The following SMG7 variants were observed in gnomAD, a reference collection of about 807,000 sequenced individuals.
The protein encoded by SMG7 is nonsense-mediated mRNA decay factor SMG7.
A neutral mutation model predicts 148.2 loss-of-function variants in SMG7; 34 were observed. The ratio of observed to expected loss-of-function variants is 0.23; its 90% CI spans 0.17 to 0.31. The LOEUF (loss-of-function observed/expected upper bound fraction) is 0.31. Among genes scored for constraint, SMG7 ranks in the 10% least tolerant of loss-of-function variants. SMG7 has a pLI of 1.00. For synonymous variants in SMG7, 492 were observed against 515.1 expected, an observed-to-expected ratio of 0.96 and a Z score of 0.61; for missense variants, 1,114 against 1,408.4, an observed-to-expected ratio of 0.79 and a Z score of 3.35.
Position 183,546,181 on chromosome 1 carries a change from A to C in SMG7, c.2586A>C (p.Ser862=). Residue 862 remains serine (S), a synonymous_variant, in exon 17 of 23, where the codon TCA becomes TCC. Transcript: ENST00000688051. ...FPMEPYNHNP[S]EVKVPEFYWD... is the part of the protein sequence containing the mutation. ...TGGAGCCATATAACCATAATCCCTC[A>C]GAAGTCAAGGTCCCAGAATTCTACT... is the stretch of plus-strand genomic sequence containing the variant. The C allele has an allele frequency of 6.2e-7, 1 of 1,614,112 alleles. No homozygotes were observed. The highest frequency in any genetic ancestry group is 1.7e-4 in the Middle Eastern group (1 of 6,060).
Position 183,501,344 on chromosome 1 carries a change from C to T in SMG7, c.30-11493C>T, listed in dbSNP as rs1659662403. 2.0e-5 allele frequency: 3 copies of T among 152,106 alleles called. No homozygotes were observed. In the South Asian group the frequency reaches 6.2e-4, roughly 32 times the overall value. The allele number at this position is 152,106 out of a possible 1,614,324, so 9.4% of individuals were successfully genotyped here. On this transcript the variant is annotated intron_variant, in intron 1 of 22. Transcript: ENST00000688051. ...AAGTAATTCACCTAAGGTTACACAG[C>T]TAGTAAGTGGCAGAGCTTGGTTTGA...
chr1:183,540,556 A>C (rs748663375), intron 12 of SMG7, among the ~76,000 whole-genome samples: 32 of 152,140 alleles, frequency 2.1e-4, no homozygotes, highest in Non-Finnish European at 3.8e-4. Flanking sequence ...ATGGTCCACC[A>C]CAAAGTGGAT....
Position 183,537,170 on chromosome 1 carries a change from C to G in SMG7, c.1189C>G (p.Leu397Val). 1.2e-6 allele frequency: 2 copies of G among 1,612,984 alleles called. No homozygotes were observed. The highest frequency in any genetic ancestry group is 8.5e-7 in the Non-Finnish European group (1 of 1,179,070). Reference protein sequence around the residue: ...QYIWPWLISLLNSFHPHEEDL... With the variant: ...QYIWPWLISLVNSFHPHEEDL... ...CATTTGGCCCTGGTTGATTTCTCTTCTGAATAGTTTCCATCCCCATGAAGA... is the reference window on the plus strand; with the variant it reads ...CATTTGGCCCTGGTTGATTTCTCTTGTGAATAGTTTCCATCCCCATGAAGA... The change falls in exon 11 of 23, where the codon CTG becomes GTG. Residue 397 changes from leucine (L) to valine (V), a missense_variant. Coordinates refer to ENST00000688051, the MANE Select transcript of SMG7 (RefSeq NM_001375584.1).
intron 10 of SMG7, among the ~76,000 whole-genome samples, chr1:183,534,139 A>G (rs954159322): frequency 2.0e-5 from 3 of 152,086 alleles, no homozygotes; most frequent in Non-Finnish European, 4.4e-5. Context: ...TTTGTTTCTT[A>G]TCTATTACAG....
Position 183,472,640 on chromosome 1 carries a change from A to G in SMG7, c.20A>G (p.Gln7Arg). 6.8e-6 allele frequency: 10 copies of G among 1,470,036 alleles called. No homozygotes were observed. The highest frequency in any genetic ancestry group is 9.1e-6 in the Non-Finnish European group (10 of 1,100,872). 91.1% of individuals were successfully genotyped at this position (1,470,036 alleles called of 1,614,324 possible). ...CGGAGGATGAGCCTGCAGAGCGCGCAGTACCTCCGGTGAGTGCCGAGGCCG... is the reference window on the plus strand; with the variant it reads ...CGGAGGATGAGCCTGCAGAGCGCGCGGTACCTCCGGTGAGTGCCGAGGCCG... MSLQSA[Q>R]YLRQAEVLKA... Residue 7 changes from glutamine to arginine, a missense_variant, in exon 1 of 23, where the codon CAG becomes CGG. Gln to Arg is a conservative substitution (Grantham distance 43, BLOSUM62 1). Coordinates refer to ENST00000688051, the MANE Select transcript of SMG7 (RefSeq NM_001375584.1).
Position 183,554,179 on chromosome 1 carries a change from TTC to T in SMG7, c.*2253_*2254del, listed in dbSNP as rs1412630029. The T allele has an allele frequency of 1.3e-5, 2 of 152,646 alleles. No individual in the cohort carries two copies. Among genetic ancestry groups the T allele is most frequent in the Non-Finnish European group, 2.9e-5 (2 of 68,042 alleles). 9.5% of individuals were successfully genotyped at this position (152,646 alleles called of 1,614,324 possible). On this transcript the variant is annotated 3_prime_UTR_variant, in exon 23 of 23. Transcript: ENST00000688051. The stretch of plus-strand genomic sequence containing the variant: ...CAGCTTTGCCTTTAATTAAACCATG[TTC>T]TCTCCAACCAGATCTGTGTATCGAT...
intron 1 of SMG7, among the ~76,000 whole-genome samples, chr1:183,487,429 A>T (rs1180361209): frequency 2.0e-5 from 3 of 152,206 alleles, no homozygotes; most frequent in Non-Finnish European, 4.4e-5. Flanking sequence ...CAAAATCCTT[A>T]ACTAATCACA....
In SMG7 at chr1:183,553,205, CTT is replaced by C. The variant is rs1671333391; in HGVS notation, c.*1276_*1277del. On this transcript the variant is annotated 3_prime_UTR_variant, in exon 23 of 23. Coordinates refer to ENST00000688051, the MANE Select transcript of SMG7 (RefSeq NM_001375584.1). Reference sequence around the variant, plus strand: ...GAGACGAAAGAAAGGAAAATAAACTCTTTGTATGATATTTATTAGGAGGAAAG... The same window carrying C: ...GAGACGAAAGAAAGGAAAATAAACTCTGTATGATATTTATTAGGAGGAAAG... The C allele has an allele frequency of 2.6e-6, 4 of 1,531,750 alleles. No individual in the cohort carries two copies. Among genetic ancestry groups the C allele is most frequent in the South Asian group, 2.4e-5 (2 of 83,890 alleles). 94.9% of individuals were successfully genotyped at this position (1,531,750 alleles called of 1,614,324 possible).
Position 183,544,412 on chromosome 1 carries a change from A to T in SMG7, c.1902A>T (p.Val634=). 1.2e-6 allele frequency: 2 copies of T among 1,613,972 alleles called. No homozygotes were observed. Among genetic ancestry groups the T allele is most frequent in the Non-Finnish European group, 1.7e-6 (2 of 1,179,886 alleles). ...TPVSEARKTP[V]TQTPTQASNS... Reference sequence around the variant, plus strand: ...TGTCTGAAGCCAGAAAAACACCTGTAACTCAAACCCCAACTCAAGCAAGTA... The same window carrying T: ...TGTCTGAAGCCAGAAAAACACCTGTTACTCAAACCCCAACTCAAGCAAGTA... The change falls in exon 15 of 23, where the codon GTA becomes GTT. Residue 634 remains valine, a synonymous_variant. Transcript: ENST00000688051.
chr1:183,508,145 A>G, intron 1 of SMG7: 1 of 977,022 alleles, frequency 1.0e-6, no homozygotes, highest in Non-Finnish European at 1.2e-6. Flanking sequence ...ATGTTAATTC[A>G]TTGATGGTTT....
chr1:183,517,680 G>A lies in SMG7; in HGVS notation c.180-8G>A. The A allele has an allele frequency of 1.2e-6, 2 of 1,613,970 alleles. No homozygotes were observed. Among genetic ancestry groups the A allele is most frequent in the Non-Finnish European group, 8.5e-7 (1 of 1,179,900 alleles). On this transcript the variant is annotated splice_polypyrimidine_tract_variant and splice_region_variant and intron_variant, in intron 3 of 22. Coordinates refer to ENST00000688051, the MANE Select transcript of SMG7 (RefSeq NM_001375584.1). ...GCTATACCAAATAGAATTACATTTT[G>A]TTTTCAGCTGGAATCACGCCTTTAA...
intron 1 of SMG7, among the ~76,000 whole-genome samples, chr1:183,509,932 C>T (rs1661760677): frequency 6.6e-6 from 1 of 152,102 alleles, no homozygotes; most frequent in South Asian, 2.1e-4. Flanking sequence ...CATCACCTGA[C>T]AGCTTATAAG....
At chr1:183,508,656 C>A (rs1323981951) in intron 1 of SMG7, among the ~76,000 whole-genome samples, 1 of 152,076 alleles carries the variant, frequency 6.6e-6, no homozygotes. Flanking sequence ...GATAGAGATT[C>A]CTTTTCTTGT....
chr1:183,516,982 G>A (rs181554104), intron 3 of SMG7, among the ~76,000 whole-genome samples: 151 of 152,206 alleles, frequency 9.9e-4, no homozygotes, highest in Non-Finnish European at 1.8e-3. Flanking sequence ...TCTTCCCTTT[G>A]TTCTAGTTTT....
chr1:183,479,537 G>T (rs1653543650), intron 1 of SMG7, among the ~76,000 whole-genome samples: 1 of 152,092 alleles, frequency 6.6e-6, no homozygotes, highest in South Asian at 2.1e-4. Flanking sequence ...CTAAGCCACA[G>T]ATTGGATTTT....
At chr1:183,482,390 A>G (rs556923272) in intron 1 of SMG7, among the ~76,000 whole-genome samples, 2 of 152,164 alleles carry the variant, frequency 1.3e-5, no homozygotes, top group African/African-American at 4.8e-5. Context: ...TGAGATATGT[A>G]AAGATTTAGA....
chr1:183,487,406 ACT>A (rs1655734715), intron 1 of SMG7, among the ~76,000 whole-genome samples: 1 of 151,768 alleles, frequency 6.6e-6, no homozygotes, highest in African/African-American at 2.4e-5. Context: ...AATTCAATAC[ACT>A]CTCCCTTTCT....
intron 1 of SMG7, among the ~76,000 whole-genome samples, chr1:183,505,064 A>T: frequency 6.8e-6 from 1 of 147,858 alleles, no homozygotes; most frequent in Non-Finnish European, 1.5e-5. Flanking sequence ...CATTTCTTCC[A>T]CCTTCTTTCC....
intron 8 of SMG7, among the ~76,000 whole-genome samples, chr1:183,531,277 G>T (rs1179023116): frequency 6.6e-6 from 1 of 152,070 alleles, no homozygotes; most frequent in Non-Finnish European, 1.5e-5. Context: ...TCCACTAAGG[G>T]ATTTAAGGCC....
Sources: allele counts gnomAD v4.1 joint callset (sites outside exome capture counted in the v4.1 genomes callset), GRCh38; gene constraint gnomAD v4.1.1; transcripts MANE v1.5; gene names NCBI Gene and HGNC (gene_info 2026-07-23, HGNC 2026-07-21).